Variants in EFS observed in about 807,000 individuals in gnomAD.
EFS encodes the protein embryonal Fyn-associated substrate.
A neutral mutation model predicts 42.2 loss-of-function variants in EFS; 34 were observed. The ratio of observed to expected loss-of-function variants is 0.81; its 90% CI spans 0.61 to 1.07. The LOEUF is 1.07. Ranked by LOEUF, EFS falls within the 50% of genes least tolerant of loss-of-function variation. EFS has a pLI of 0.00. For missense variants in EFS, 717 were observed against 729.4 expected (o/e 0.98, Z 0.20); for synonymous variants, 299 against 320.7 (o/e 0.93, Z 0.72).
At position 23,359,938 on chromosome 14, in the gene EFS, G is replaced by T; in HGVS notation, c.540C>A (p.Pro180=). 1 of 1,562,706 alleles carries T rather than the reference G, an allele frequency of 6.4e-7. No individual in the cohort carries two copies. Among genetic ancestry groups the T allele is most frequent in the Non-Finnish European group, 8.7e-7 (1 of 1,155,538 alleles). The change falls in exon 4 of 6, where the codon CCC becomes CCA. Residue 180 remains proline, a synonymous_variant. Transcript: ENST00000216733. The stretch of plus-strand genomic sequence containing the variant: ...CATAGGGAGCATCATCCTCTCCAGG[G>T]GGCTGCGGGGCAACCCGGGTCAGAG... ...SHPLTRVAPQ[P]PGEDDAPYDV... is the part of the protein sequence containing the mutation.
Position 23,357,239 on chromosome 14 carries a change from C to A in EFS, c.1673G>T (p.Ser558Ile), listed in dbSNP as rs1308388137. Reference protein sequence around the residue: ...QALQFTTLLTSLAP With the variant: ...QALQFTTLLTILAP ...GCCAAAGGACCTTCATGGAGCCAGGCTAGTGAGCAGGGTAGTGAATTGCAG... is the reference window on the plus strand; with the variant it reads ...GCCAAAGGACCTTCATGGAGCCAGGATAGTGAGCAGGGTAGTGAATTGCAG... Residue 558 changes from serine (S) to isoleucine (I), a missense_variant, in exon 6 of 6, where the codon AGC becomes ATC. By Grantham distance (142) the Ser-to-Ile change is moderately radical (BLOSUM62 -2). Coordinates refer to ENST00000216733, the MANE Select transcript of EFS (RefSeq NM_005864.4). 1.3e-6 allele frequency: 2 copies of A among 1,551,402 alleles called. No individual in the cohort carries two copies. Among genetic ancestry groups the A allele is most frequent in the Non-Finnish European group, 1.8e-6 (2 of 1,140,896 alleles).
chr14:23,362,920 T>TC (rs1236363197), intron 1 of EFS, among the ~76,000 whole-genome samples: 3 of 150,152 alleles, frequency 2.0e-5, no homozygotes, highest in East Asian at 3.9e-4. Flanking sequence ...TTTCTTTCTT[T>TC]TTTTTTTTTT....
chr14:23,361,200 T>C (rs1890144079), intron 1 of EFS, among the ~76,000 whole-genome samples: 1 of 152,222 alleles, frequency 6.6e-6, no homozygotes, highest in South Asian at 2.1e-4. Context: ...TAGGAACGGC[T>C]ATATTTCTAG....
Position 23,359,540 on chromosome 14 carries a change from G to A in EFS, c.938C>T (p.Pro313Leu). Residue 313 changes from proline (P) to leucine (L), a missense_variant, in exon 4 of 6, where the codon CCT (proline) becomes CTT (leucine). Transcript: ENST00000216733. ...SRRPLPALPV[P>L]EAPSPSPVPS... is the part of the protein sequence containing the mutation. ...CACTGGGGAGGGGCTGGGGGCCTCA[G>A]GGACAGGCAGGGCAGGCAGAGGGCG... 4.6e-6 allele frequency: 7 copies of A among 1,522,728 alleles called. No homozygotes were observed. The highest frequency in any genetic ancestry group is 6.1e-6 in the Non-Finnish European group (7 of 1,141,652). 94.3% of individuals were successfully genotyped at this position (1,522,728 alleles called of 1,614,324 possible).
At position 23,360,706 on chromosome 14, in the gene EFS, C is replaced by G. The variant is rs1466442561; in HGVS notation, c.146G>C (p.Cys49Ser). The G allele has an allele frequency of 6.2e-7, 1 of 1,613,868 alleles. No individual in the cohort carries two copies. Among genetic ancestry groups the G allele is most frequent in the Non-Finnish European group, 8.5e-7 (1 of 1,179,942 alleles). Residue 49 changes from cysteine (C) to serine (S), a missense_variant, in exon 2 of 6, where the codon TGC becomes TCC. Transcript: ENST00000216733. ...GAGGLDGWCL[C>S]SLHGQQGIVP... ...AATGCCCTGCTGGCCGTGTAGGGAG[C>G]AGAGGCACCAGCCGTCCAGTCCACC...
At chr14:23,362,621 T>C (rs1197981356) in intron 1 of EFS, among the ~76,000 whole-genome samples, 2 of 152,268 alleles carry the variant, frequency 1.3e-5, no homozygotes, top group African/African-American at 4.8e-5. Context: ...CGGTTAGTGC[T>C]GCACTTTTCT....
rs1890281397 is a variant in EFS at position 23,365,171 on chromosome 14, A to G, written c.-146T>C. On this transcript the variant is annotated 5_prime_UTR_variant, in exon 1 of 6. Transcript: ENST00000216733. The surrounding 1 kb of genome is among the most constrained non-coding windows in gnomAD (Gnocchi z 5.3). ...CTCCGCCAAGGTTGGAGGAGGAGAA[A>G]GAAAACCCACAAAACTTCCCAAATG... The G allele has an allele frequency of 1.4e-6, 1 of 698,530 alleles. No homozygotes were observed. The highest frequency in any genetic ancestry group is 2.0e-6 in the Non-Finnish European group (1 of 493,914). The allele number at this position is 698,530 out of a possible 1,614,324, so 43.3% of individuals were successfully genotyped here.
At position 23,360,736 on chromosome 14, in the gene EFS, C is replaced by T; in HGVS notation, c.116G>A (p.Gly39Asp). ...GCACCAGCCGTCCAGTCCACCAGCGCCCTCTCTCTGCAGGACCCGTAGGAC... is the reference window on the plus strand; with the variant it reads ...GCACCAGCCGTCCAGTCCACCAGCGTCCTCTCTCTGCAGGACCCGTAGGAC... The part of the protein sequence containing the change: ...GDVLRVLQRE[G>D]AGGLDGWCLC... Residue 39 changes from glycine (G) to aspartate (D), a missense_variant, in exon 2 of 6, where the codon GGC (glycine) becomes GAC (aspartate). By Grantham distance (94) the Gly-to-Asp change is moderately conservative. Transcript: ENST00000216733. 6.2e-7 allele frequency: 1 copy of T among 1,614,006 alleles called. No individual in the cohort carries two copies.
chr14:23,359,939 G>T lies in EFS; in HGVS notation c.539C>A (p.Pro180His), dbSNP rs200929899. Residue 180 changes from proline to histidine, a missense_variant, in exon 4 of 6, where the codon CCC becomes CAC. Physicochemically the swap from Pro to His is moderately conservative, Grantham distance 77. Transcript: ENST00000216733. Reference protein sequence around the residue: ...SHPLTRVAPQPPGEDDAPYDV... With the variant: ...SHPLTRVAPQHPGEDDAPYDV... ...ATAGGGAGCATCATCCTCTCCAGGG[G>T]GCTGCGGGGCAACCCGGGTCAGAGG... 2 of 1,563,248 alleles carry T rather than the reference G, an allele frequency of 1.3e-6. No individual in the cohort carries two copies. Among genetic ancestry groups the T allele is most frequent in the African/African-American group, 1.4e-5 (1 of 73,614 alleles).
At chr14:23,363,419 C>T (rs540437324) in intron 1 of EFS, among the ~76,000 whole-genome samples, 2 of 152,128 alleles carry the variant, frequency 1.3e-5, no homozygotes, top group Non-Finnish European at 2.9e-5. Flanking sequence ...GCAGTAAATG[C>T]TCAATAAATA....
At chr14:23,358,166 C>T (rs1054253475) in intron 5 of EFS, among the ~76,000 whole-genome samples, 43 of 152,170 alleles carry the variant, frequency 2.8e-4, no homozygotes, top group African/African-American at 9.7e-4. Flanking sequence ...TGAACTAGGC[C>T]TATCTTGAGT....
Position 23,357,644 on chromosome 14 carries a change from C to G in EFS, c.1268G>C (p.Gly423Ala). 1 of 1,536,808 alleles carries G rather than the reference C, an allele frequency of 6.5e-7. No homozygotes were observed. Among genetic ancestry groups the G allele is most frequent in the Non-Finnish European group, 8.8e-7 (1 of 1,134,922 alleles). The part of the protein sequence containing the change: ...MPAPQEALSP[G>A]EPLVVSTGDL... ...TCCGGTGGACACAACCAGTGGCTCC[C>G]CTGGGGACAGGGCCTCCTGAAGGGC... Residue 423 changes from glycine to alanine, a missense_variant, in exon 6 of 6, where the codon GGG (glycine) becomes GCG (alanine). By Grantham distance (60) the Gly-to-Ala change is moderately conservative (BLOSUM62 0). Transcript: ENST00000216733.
intron 4 of EFS, 94 bp downstream of exon 4, chr14:23,359,223 G>T: frequency 6.4e-7 from 1 of 1,567,752 alleles, no homozygotes; most frequent in Non-Finnish European, 8.7e-7. Context: ...CAGAAGGGAG[G>T]CAGGGAGGCT....
Position 23,359,412 on chromosome 14 carries a change from G to T in EFS, c.1066C>A (p.Pro356Thr). 1.2e-6 allele frequency: 2 copies of T among 1,610,558 alleles called. No homozygotes were observed. The highest frequency in any genetic ancestry group is 1.7e-6 in the Non-Finnish European group (2 of 1,179,016). The change falls in exon 4 of 6, where the codon CCA (proline) becomes ACA (threonine). Residue 356 changes from proline (P) to threonine (T), a missense_variant. Coordinates refer to ENST00000216733, the MANE Select transcript of EFS (RefSeq NM_005864.4). Reference sequence around the variant, plus strand: ...TCATCCTCCATCTCCCTGCCCTCTGGATCCCCCTCGACCTTGGGGCCTCCA... The same window carrying T: ...TCATCCTCCATCTCCCTGCCCTCTGTATCCCCCTCGACCTTGGGGCCTCCA... ...GYGGPKVEGD[P>T]EGREMEDDPA...
At chr14:23,359,267 C>G in intron 4 of EFS, 50 bp downstream of exon 4, 8 of 1,610,772 alleles carry the variant, frequency 5.0e-6, no homozygotes, top group Non-Finnish European at 6.8e-6. Context: ...ACACCCCTCC[C>G]CTTGGTCCCT....
Position 23,357,267 on chromosome 14 carries a change from C to A in EFS, c.1645G>T (p.Ala549Ser). ...GTGAGCAGGGTAGTGAATTGCAGGG[C>A]CTGCCCTGCCAGTTCTGTTACACAC... ...VQCVTELAGQ[A>S]LQFTTLLTSL... The change falls in exon 6 of 6, where the codon GCC becomes TCC. Residue 549 changes from alanine to serine, a missense_variant. Ala to Ser is a moderately conservative substitution (Grantham distance 99, BLOSUM62 1). Transcript: ENST00000216733. 6.3e-7 allele frequency: 1 copy of A among 1,579,804 alleles called. No homozygotes were observed. The highest frequency in any genetic ancestry group is 8.6e-7 in the Non-Finnish European group (1 of 1,156,560).
chr14:23,361,163 T>G (rs567388332), intron 1 of EFS, among the ~76,000 whole-genome samples: 1 of 152,364 alleles, frequency 6.6e-6, no homozygotes, highest in South Asian at 2.1e-4. Flanking sequence ...ATCGATTTCT[T>G]CCCTTATACT....
Position 23,357,629 on chromosome 14 carries a change from A to G in EFS, c.1283T>C (p.Val428Ala), listed in dbSNP as rs777490479. 7.1e-6 allele frequency: 11 copies of G among 1,551,440 alleles called. No individual in the cohort carries two copies. In the African/African-American group the frequency reaches 1.4e-4, roughly 19 times the overall value. The part of the protein sequence containing the change: ...EALSPGEPLV[V>A]STGDLQLLYF... ...CAGGAGCTGCAGATCTCCGGTGGAC[A>G]CAACCAGTGGCTCCCCTGGGGACAG... Residue 428 changes from valine to alanine, a missense_variant, in exon 6 of 6, where the codon GTG (valine) becomes GCG (alanine). Physicochemically the swap from Val to Ala is moderately conservative, Grantham distance 64. Transcript: ENST00000216733.
rs2231806 is a variant in EFS, at chr14:23,359,684, G to A, written c.794C>T (p.Ser265Phe). 0.11 allele frequency: 160,717 copies of A among 1,511,470 alleles called. 9,264 individuals carry two copies. Among genetic ancestry groups the A allele is most frequent in the African/African-American group, 0.15 (10,919 of 71,238 alleles). The allele number at this position is 1,511,470 out of a possible 1,614,324, so 93.6% of individuals were successfully genotyped here. The change falls in exon 4 of 6, where the codon TCT becomes TTT. Residue 265 changes from serine to phenylalanine, a missense_variant. Ser to Phe is a radical substitution (Grantham distance 155). Transcript: ENST00000216733. The stretch of plus-strand genomic sequence containing the variant: ...GGCCAAGGCTCCAGGGGGCTCTGGA[G>A]AAGGGGGAGCCTCTGGCCCCAGCAG... Reference protein sequence around the residue: ...VPLLGPEAPPSPEPPGALASH... With the variant: ...VPLLGPEAPPFPEPPGALASH...
Sources: gnomAD v4.1 joint callset for allele counts (sites outside exome capture counted in the v4.1 genomes callset) on GRCh38, gnomAD v4.1.1 for gene constraint, Gnocchi (gnomAD v3.1) non-coding constraint, MANE v1.5 for transcripts, NCBI Gene and HGNC (gene_info 2026-07-23, HGNC 2026-07-21) for gene names.